Variants in TPO observed in about 807,000 individuals in gnomAD.
The protein encoded by TPO is thyroid peroxidase.
Under a neutral mutation model 96.9 loss-of-function variants are expected in TPO, and 78 were observed. That is an observed-to-expected ratio of 0.81 (90% CI 0.67 to 0.97). The LOEUF is 0.97. TPO is among the 50% of genes least tolerant of loss of function. The pLI is 0.00. For missense variants in TPO, 1,252 were observed against 1,274.8 expected (o/e 0.98, Z 0.27); for synonymous variants, 547 against 538.0 (o/e 1.02, Z -0.23).
intron 15 of TPO, among the ~76,000 whole-genome samples, chr2:1,536,039 T>A (rs1679571833): frequency 3.3e-5 from 1 of 29,918 alleles, no homozygotes; most frequent in African/African-American, 1.6e-4. Flanking sequence ...GTGTGCAACC[T>A]CCTCAAATCC....
At position 1,522,215 on chromosome 2, in the gene TPO, C is replaced by T. The variant is rs375486812; in HGVS notation, c.2618+5233C>T. ...TCTCTACCCCACACCGGCCCGCCAC[C>T]GTGCCCTCACAGTCTCTCTACCCCA... On this transcript the variant is annotated intron_variant, in intron 15 of 16. Transcript: ENST00000329066. Among the ~76,000 whole-genome samples, 24 of 146,504 alleles carry T rather than the reference C, an allele frequency of 1.6e-4. 2 individuals carry two copies. Among genetic ancestry groups the T allele is most frequent in the South Asian group, 4.5e-4 (2 of 4,408 alleles).
intron 9 of TPO, among the ~76,000 whole-genome samples, chr2:1,486,944 A>C (rs557987289): frequency 6.6e-6 from 1 of 152,356 alleles, no homozygotes; most frequent in South Asian, 2.1e-4. Flanking sequence ...AGGTCATCCC[A>C]CACAGGACGA....
At chr2:1,409,650 G>C (rs1046466920), upstream of TPO, among the ~76,000 whole-genome samples, 17 of 152,084 alleles carry the variant, frequency 1.1e-4, no homozygotes, top group Admixed American at 5.9e-4. Flanking sequence ...TTTTCCATCT[G>C]CATCCTTTCC....
At chr2:1,499,488 G>A (rs1029751442) in intron 13 of TPO, among the ~76,000 whole-genome samples, 2 of 152,104 alleles carry the variant, frequency 1.3e-5, no homozygotes, top group African/African-American at 4.8e-5. Flanking sequence ...GGCCTGTCTC[G>A]GCATGGTGCG....
intron 15 of TPO, among the ~76,000 whole-genome samples, chr2:1,518,164 CCATCTTCCAGGGTGTTTCT>C (rs1322728548): frequency 3.3e-5 from 5 of 152,344 alleles, no homozygotes; most frequent in African/African-American, 1.2e-4. Flanking sequence ...CACTCTAAGG[CCATCTTCCAGGGTGTTTCT>C]CATCTTCCCA....
chr2:1,459,464 T>G (rs1668204672), intron 7 of TPO, among the ~76,000 whole-genome samples: 1 of 152,176 alleles, frequency 6.6e-6, no homozygotes, highest in African/African-American at 2.4e-5. Flanking sequence ...AGGGACATTT[T>G]CTACTTAAGA....
chr2:1,393,465 G>A (rs1040326394), intron 1 of TPO, among the ~76,000 whole-genome samples: 2 of 152,222 alleles, frequency 1.3e-5, no homozygotes, highest in Admixed American at 6.5e-5. Context: ...GCACCTGGGT[G>A]GAAGAGGTGG....
chr2:1,520,592 A>G (rs1675154844), intron 15 of TPO, among the ~76,000 whole-genome samples: 1 of 152,202 alleles, frequency 6.6e-6, no homozygotes, highest in Non-Finnish European at 1.5e-5. Context: ...CAAATTGTTG[A>G]TATATTTTCA....
chr2:1,541,594 A>C (rs1680776120), intron 16 of TPO: 1 of 152,330 alleles, frequency 6.6e-6, no homozygotes, highest in Non-Finnish European at 1.5e-5. Context: ...TAGGCCCAAG[A>C]GATCCTCCAG....
At chr2:1,540,271 G>A (rs1160776240) in intron 15 of TPO, among the ~76,000 whole-genome samples, 1 of 152,176 alleles carries the variant, frequency 6.6e-6, no homozygotes, top group African/African-American at 2.4e-5. Context: ...TGCGTCTCTT[G>A]GCAGTGACTG....
Position 1,433,539 on chromosome 2 carries a change from T to C in TPO, c.281T>C (p.Met94Thr). Residue 94 changes from methionine (M) to threonine (T), a missense_variant, in exon 4 of 17, where the codon ATG becomes ACG. By Grantham distance (81) the Met-to-Thr change is moderately conservative. Coordinates refer to ENST00000329066, the MANE Select transcript of TPO (RefSeq NM_001206744.2). ...GTGATTGCCCGAGCAGCAGAGATAATGGAAACATCAATACAAGCGATGAAA... is the reference window on the plus strand; with the variant it reads ...GTGATTGCCCGAGCAGCAGAGATAACGGAAACATCAATACAAGCGATGAAA... ...SGVIARAAEIMETSIQAMKRK... is the reference protein window; with the variant it reads ...SGVIARAAEITETSIQAMKRK... The C allele has an allele frequency of 6.2e-7, 1 of 1,614,106 alleles. No individual in the cohort carries two copies. The highest frequency in any genetic ancestry group is 1.1e-5 in the South Asian group (1 of 91,082).
At chr2:1,530,946 CTATGTGCGACCTCCTCAAATCCCCCCAG>C (rs1678011506) in intron 15 of TPO, among the ~76,000 whole-genome samples, 1 of 103,948 alleles carries the variant, frequency 9.6e-6, no homozygotes, top group Non-Finnish European at 1.9e-5. Context: ...AATCCCCCCA[CTATGTGCGACCTCCTCAAATCCCCCCAG>C]TATGTGCAAC....
At chr2:1,397,844 A>G (rs1021520679) in intron 1 of TPO, among the ~76,000 whole-genome samples, 1 of 152,038 alleles carries the variant, frequency 6.6e-6, no homozygotes, top group Non-Finnish European at 1.5e-5. Context: ...CTCTCCTTCC[A>G]TCAGCCCCCA....
intron 8 of TPO, among the ~76,000 whole-genome samples, chr2:1,482,317 G>C (rs375405183): frequency 1.3e-5 from 2 of 152,332 alleles, no homozygotes; most frequent in South Asian, 4.1e-4. Flanking sequence ...CCACTGGTGA[G>C]TTGTGAAGGC....
At chr2:1,541,179 T>TAA in intron 16 of TPO, 1 of 1,173,136 alleles carries the variant, frequency 8.5e-7, no homozygotes, top group East Asian at 5.9e-5. Flanking sequence ...CTCACTTGTG[T>TAA]AAGTCTGACT....
At chr2:1,505,342 T>C (rs1156664692) in intron 14 of TPO, among the ~76,000 whole-genome samples, 1 of 143,506 alleles carries the variant, frequency 7.0e-6, no homozygotes, top group African/African-American at 2.6e-5. Flanking sequence ...CCCCACCAGC[T>C]TGTGTCAGGC....
intron 10 of TPO, 131 bp downstream of exon 10, chr2:1,488,122 T>A: frequency 7.7e-7 from 1 of 1,306,280 alleles, no homozygotes; most frequent in Non-Finnish European, 1.1e-6. Context: ...CAACGGCTCT[T>A]AAAGGGCTCC....
rs2125356433 is a variant in TPO at position 1,541,108 on chromosome 2, T to C, written c.2748+385T>C. ...GTTATAATCAGTGTGGAAAAATGTG[T>C]ATGTTTATGTTTTACCCCCTTACCT... is the stretch of plus-strand genomic sequence containing the variant. On this transcript the variant is annotated intron_variant, in intron 16 of 16. Coordinates refer to ENST00000329066, the MANE Select transcript of TPO (RefSeq NM_001206744.2). The C allele has an allele frequency of 5.0e-6, 6 of 1,194,356 alleles. No homozygotes were observed. The South Asian group carries it at 8.0e-5, about 16-fold the overall frequency. 74.0% of individuals were successfully genotyped at this position (1,194,356 alleles called of 1,614,324 possible). A position where few individuals can be genotyped will look rare whatever the true frequency, so the allele number is the denominator to read the frequency against.
At chr2:1,540,959 A>G (rs767229192) in intron 16 of TPO, 1 of 1,494,696 alleles carries the variant, frequency 6.7e-7, no homozygotes, top group South Asian at 1.2e-5. Flanking sequence ...ACCGGTTCCA[A>G]AACTAAGGGC....
Sources: allele counts gnomAD v4.1 joint callset (sites outside exome capture counted in the v4.1 genomes callset), GRCh38; gene constraint gnomAD v4.1.1; transcripts MANE v1.5; gene names NCBI Gene and HGNC (gene_info 2026-07-23, HGNC 2026-07-21).